MCF2: variants seen among roughly 807,000 people sequenced by gnomAD.
MCF2 encodes the protein MCF.2 cell line derived transforming sequence.
In MCF2, 44 loss-of-function variants were observed where a neutral mutation model predicts 82.5. That is an observed-to-expected ratio of 0.53 (90% confidence interval 0.42 to 0.69). The LOEUF (loss-of-function observed/expected upper bound fraction) is 0.69, where lower values mean the gene tolerates loss of function less well. Among genes scored for constraint, MCF2 ranks in the 30% least tolerant of loss-of-function variants. The pLI, the probability that MCF2 is intolerant of heterozygous loss-of-function variation, is 0.00. For synonymous variants in MCF2, 217 were observed against 224.9 expected (o/e 0.96, Z 0.32); for missense variants, 623 against 663.1 (o/e 0.94, Z 0.66).
At chrX:139,622,001 A>G (rs1671671957) in intron 6 of MCF2, among the ~76,000 whole-genome samples, 2 of 111,912 alleles carry the variant, frequency 1.8e-5, no homozygotes, top group African/African-American at 6.5e-5. Flanking sequence ...GCTAATATCC[A>G]GAATCCACAA....
At chrX:139,593,829 T>C (rs1321621078) in intron 19 of MCF2, among the ~76,000 whole-genome samples, 2 of 110,866 alleles carry the variant, frequency 1.8e-5, no homozygotes, top group Admixed American at 1.9e-4. Flanking sequence ...GAAAACCCCA[T>C]TGTCTCAGCC....
rs752679495 is a variant in MCF2 at position 139,663,568 on chromosome X, T to C, written c.-44-11780A>G. On this transcript the variant is annotated intron_variant, in intron 1 of 27. Coordinates refer to the MCF2 transcript ENST00000414978. ...AGGTTTTAAGCCCAATAGCCAATAG[T>C]TTGCTTTGTTTTTTTTTTTTTTTTG... is the stretch of plus-strand genomic sequence containing the variant. 1.1e-4 allele frequency among the ~76,000 whole-genome samples: 12 copies of C among 108,455 alleles called. No individual in the cohort carries two copies. In the East Asian group the frequency reaches 3.4e-3, roughly 31 times the overall value. The allele number at this position is 108,455 out of a possible 115,157, so 94.2% of individuals were successfully genotyped here. A position where few individuals can be genotyped will look rare whatever the true frequency, so the allele number is the denominator to read the frequency against.
intron 6 of MCF2, among the ~76,000 whole-genome samples, chrX:139,619,994 C>T (rs866519801): frequency 3.7e-5 from 3 of 81,050 alleles, no homozygotes; most frequent in African/African-American, 1.4e-4. Flanking sequence ...GGTATATATA[C>T]ATTTGTGTGT....
chrX:139,703,253 T>C (rs1055440030), intron 1 of MCF2, among the ~76,000 whole-genome samples: 2 of 110,140 alleles, frequency 1.8e-5, no homozygotes, highest in Non-Finnish European at 3.8e-5. Context: ...GAGAGAGGAG[T>C]GAGTGTAGGA....
rs759402540 is a variant in MCF2, at chrX:139,692,344, A to T, written c.-45+15762T>A. 2.2e-4 allele frequency among the ~76,000 whole-genome samples: 24 copies of T among 110,241 alleles called. No individual in the cohort carries two copies. In the East Asian group the frequency reaches 6.8e-3, roughly 31 times the overall value. On this transcript the variant is annotated intron_variant, in intron 1 of 27. Coordinates refer to the MCF2 transcript ENST00000414978. ...GCCGCCAGTCCTCCGGAGCCCCCCT[A>T]GTAGGGACAGAGGCGCAGAGGCCCG...
chrX:139,629,763 G>C (rs1387043421), exon 4 of MCF2: 2 of 1,207,035 alleles, frequency 1.7e-6, no homozygotes, highest in Non-Finnish European at 2.2e-6. Context: ...TCATCTGGTA[G>C]TTCTGTCTCA....
At chrX:139,606,369 T>C (rs997547719) in intron 12 of MCF2, among the ~76,000 whole-genome samples, 1 of 110,572 alleles carries the variant, frequency 9.0e-6, no homozygotes, top group South Asian at 3.9e-4. Context: ...TATATAAATA[T>C]ATTTTTGAGA....
intron 1 of MCF2, among the ~76,000 whole-genome samples, chrX:139,665,243 A>C (rs1185176714): frequency 9.0e-6 from 1 of 111,114 alleles, no homozygotes; most frequent in Non-Finnish European, 1.9e-5. Context: ...ACTCCACACT[A>C]GGATTTGCAG....
intron 18 of MCF2, among the ~76,000 whole-genome samples, chrX:139,597,206 C>G (rs1449458572): frequency 2.7e-5 from 3 of 111,358 alleles, no homozygotes; most frequent in Non-Finnish European, 5.7e-5. Flanking sequence ...TTAGCTGACT[C>G]AAACATTCCT....
At chrX:139,596,404 C>A in intron 19 of MCF2, 145 bp downstream of exon 23, 1 of 459,070 alleles carries the variant, frequency 2.2e-6, no homozygotes, top group East Asian at 3.7e-5. Context: ...CATCTGACTT[C>A]TACATAAGAC....
chrX:139,667,618 G>C (rs1378014109), intron 1 of MCF2, among the ~76,000 whole-genome samples: 4 of 112,071 alleles, frequency 3.6e-5, no homozygotes, highest in Admixed American at 9.5e-5. Context: ...TCTGTCTCAG[G>C]GGGTGTGGGC....
chrX:139,605,931 T>C, intron 12 of MCF2, 152 bp from the exon 17 acceptor site: 1 of 352,007 alleles, frequency 2.8e-6, no homozygotes, highest in Non-Finnish European at 4.8e-6. Flanking sequence ...AAACTACTTT[T>C]ATGGTTTCTA....
At chrX:139,665,770 T>C (rs1934492139) in intron 1 of MCF2, among the ~76,000 whole-genome samples, 1 of 108,014 alleles carries the variant, frequency 9.3e-6, no homozygotes. Context: ...CTCCTCAGAT[T>C]AGTATCTGTG....
chrX:139,650,933 A>G (rs1413860649), intron 2 of MCF2, among the ~76,000 whole-genome samples: 1 of 111,988 alleles, frequency 8.9e-6, no homozygotes, highest in Admixed American at 9.5e-5. Flanking sequence ...CAGTCACAAA[A>G]AGACACATAC....
intron 6 of MCF2, among the ~76,000 whole-genome samples, chrX:139,625,689 G>A (rs1932728629): frequency 8.9e-6 from 1 of 111,912 alleles, no homozygotes; most frequent in Admixed American, 9.5e-5. Context: ...GATTTTCCAG[G>A]AAGGTCCAAT....
intron 1 of MCF2, among the ~76,000 whole-genome samples, chrX:139,697,555 G>A (rs1935407065): frequency 8.9e-6 from 1 of 111,958 alleles, no homozygotes; most frequent in Non-Finnish European, 1.9e-5. Context: ...CTTCTTAGAT[G>A]TATGTAAAAA....
chrX:139,582,361 G>A, exon 25 of MCF2: 1 of 845,415 alleles, frequency 1.2e-6, no homozygotes, highest in Non-Finnish European at 1.8e-6. Flanking sequence ...CCATTAACCT[G>A]AAAACAACAT....
At chrX:139,658,978 C>T (rs1484145923) in intron 1 of MCF2, among the ~76,000 whole-genome samples, 4 of 111,368 alleles carry the variant, frequency 3.6e-5, no homozygotes, top group East Asian at 2.8e-4. Context: ...CCACCAGGCC[C>T]GGTCAAATGA....
chrX:139,699,792 C>A (rs780615865), intron 1 of MCF2, among the ~76,000 whole-genome samples: 1 of 111,692 alleles, frequency 9.0e-6, no homozygotes, highest in South Asian at 3.8e-4. Context: ...ATATTGAAAC[C>A]CTGATATTTT....
Sources: gnomAD v4.1 joint callset for allele counts (sites outside exome capture counted in the v4.1 genomes callset) on GRCh38, gnomAD v4.1.1 for gene constraint, MANE v1.5 for transcripts, NCBI Gene and HGNC (gene_info 2026-07-23, HGNC 2026-07-21) for gene names.